The following CSMD2 variants were observed in gnomAD, a reference collection of about 807,000 sequenced individuals.
CSMD2 encodes CUB and Sushi multiple domains 2.
CSMD2 carries 130 observed loss-of-function variants against 398.5 expected under a neutral mutation model. The observed-to-expected ratio is 0.33, with a 90% CI of 0.28 to 0.38. CSMD2 has a LOEUF of 0.38. CSMD2 is among the 10% of genes least tolerant of loss of function. CSMD2 has a pLI of 1.00. For synonymous variants in CSMD2, 1,828 were observed against 1,908.5 expected, an observed-to-expected ratio of 0.96 and a Z score of 1.10; for missense variants, 3,829 against 4,764.9, an observed-to-expected ratio of 0.80 and a Z score of 5.78.
chr1:33,590,294 A>ATTT (rs56252015), intron 44 of CSMD2, among the ~76,000 whole-genome samples: 188 of 73,776 alleles, frequency 2.5e-3, no homozygotes, highest in African/African-American at 2.8e-3. Flanking sequence ...GCTAATTAAA[A>ATTT]TTTTTTTTTT....
At chr1:34,136,801 T>G (rs2148513710) in intron 1 of CSMD2, among the ~76,000 whole-genome samples, 1 of 152,336 alleles carries the variant, frequency 6.6e-6, no homozygotes, top group South Asian at 2.1e-4. Flanking sequence ...TCTTGTACAT[T>G]CATCTGTCTA....
chr1:33,790,675 CTAT>C (rs1654139955), intron 11 of CSMD2, among the ~76,000 whole-genome samples: 2 of 146,496 alleles, frequency 1.4e-5, no homozygotes, highest in Non-Finnish European at 3.0e-5. Flanking sequence ...ATCTATCTAT[CTAT>C]CTATCTATCT....
chr1:33,941,051 C>T (rs986443695), intron 3 of CSMD2, among the ~76,000 whole-genome samples: 1 of 152,056 alleles, frequency 6.6e-6, no homozygotes, highest in African/African-American at 2.4e-5. Context: ...CATGCTCTCC[C>T]ATCTATAAAG....
At chr1:33,728,626 C>G (rs887308756) in intron 15 of CSMD2, among the ~76,000 whole-genome samples, 5 of 152,142 alleles carry the variant, frequency 3.3e-5, no homozygotes, top group African/African-American at 7.2e-5. Context: ...GAGATTGAAT[C>G]TCAAGACTTC....
chr1:33,958,441 C>A (rs1645241033), intron 3 of CSMD2, among the ~76,000 whole-genome samples: 1 of 152,138 alleles, frequency 6.6e-6, no homozygotes, highest in Admixed American at 6.5e-5. Flanking sequence ...AGATGATGGG[C>A]TGTCACACCC....
At chr1:34,047,532 C>T (rs1478403099) in intron 2 of CSMD2, among the ~76,000 whole-genome samples, 1 of 152,102 alleles carries the variant, frequency 6.6e-6, no homozygotes, top group Non-Finnish European at 1.5e-5. Context: ...TTACGTCTAC[C>T]TTTTCCCACC....
intron 3 of CSMD2, among the ~76,000 whole-genome samples, chr1:33,979,232 A>G (rs1259044693): frequency 2.6e-5 from 4 of 152,212 alleles, no homozygotes; most frequent in Non-Finnish European, 2.9e-5. Flanking sequence ...GCCCAGTAGG[A>G]CCTGGCCCCG....
intron 5 of CSMD2, among the ~76,000 whole-genome samples, chr1:33,876,470 A>G (rs962117551): frequency 6.6e-6 from 1 of 152,258 alleles, no homozygotes; most frequent in African/African-American, 2.4e-5. Flanking sequence ...GACATGGCAT[A>G]AAGAACTTAC....
chr1:34,101,404 T>C (rs1445221413), intron 1 of CSMD2, among the ~76,000 whole-genome samples: 1 of 152,258 alleles, frequency 6.6e-6, no homozygotes, highest in Non-Finnish European at 1.5e-5. Context: ...AAATAGCAGA[T>C]GACTGGGTCA....
At chr1:33,629,601 C>T (rs1211312751) in intron 32 of CSMD2, among the ~76,000 whole-genome samples, 4 of 152,098 alleles carry the variant, frequency 2.6e-5, no homozygotes, top group Middle Eastern at 3.2e-3. Context: ...TGTTGAGTAG[C>T]GGTCCTTAAG....
At chr1:33,899,656 A>G (rs1029338814) in intron 5 of CSMD2, among the ~76,000 whole-genome samples, 1 of 152,198 alleles carries the variant, frequency 6.6e-6, no homozygotes, top group Admixed American at 6.5e-5. Context: ...TTGGATTTAT[A>G]TGTGAAAAAT....
chr1:33,685,384 C>T (rs970636176), intron 25 of CSMD2, among the ~76,000 whole-genome samples: 1 of 152,212 alleles, frequency 6.6e-6, no homozygotes, highest in Non-Finnish European at 1.5e-5. Context: ...AATACTGAGA[C>T]CTTCAAGGGG....
intron 3 of CSMD2, among the ~76,000 whole-genome samples, chr1:34,016,303 CT>C (rs1174785881): frequency 2.0e-5 from 3 of 151,972 alleles, no homozygotes; most frequent in African/African-American, 7.3e-5. Flanking sequence ...TCTCCCTTCC[CT>C]TTCCCCCCAC....
At chr1:33,686,194 C>T (rs941587083) in intron 25 of CSMD2, among the ~76,000 whole-genome samples, 2 of 152,216 alleles carry the variant, frequency 1.3e-5, no homozygotes, top group Non-Finnish European at 2.9e-5. Context: ...AGGGCTTTCC[C>T]TCCCTTTCTT....
chr1:33,823,844 A>G (rs992152465), intron 7 of CSMD2, among the ~76,000 whole-genome samples: 2 of 152,236 alleles, frequency 1.3e-5, no homozygotes, highest in Admixed American at 1.3e-4. Flanking sequence ...GCATTCTTTC[A>G]TTAGAACAGG....
chr1:34,094,536 T>C (rs1291416854), intron 1 of CSMD2, among the ~76,000 whole-genome samples: 1 of 151,970 alleles, frequency 6.6e-6, no homozygotes, highest in Non-Finnish European at 1.5e-5. Context: ...GAGACACACA[T>C]AGGCTCAAAA....
In CSMD2 at chr1:33,820,557, CT is replaced by C; in HGVS notation, c.1112-2del. ...CCTTGGGACACACCAACCTGAGTTACTACAAGGCAAAAAAAAAAAAAAAAAA... is the reference window on the plus strand; with the variant it reads ...CCTTGGGACACACCAACCTGAGTTACACAAGGCAAAAAAAAAAAAAAAAAA... On this transcript the variant is annotated splice_acceptor_variant, in intron 7 of 70. Transcript: ENST00000373381. LOFTEE classifies it high-confidence loss of function. The C allele has an allele frequency of 1.7e-6, 1 of 578,162 alleles. No homozygotes were observed. The highest frequency in any genetic ancestry group is 2.9e-6 in the Non-Finnish European group (1 of 346,960). The allele number at this position is 578,162 out of a possible 1,614,324, so 35.8% of individuals were successfully genotyped here.
chr1:33,697,480 C>A (rs1645457783), intron 24 of CSMD2, among the ~76,000 whole-genome samples: 3 of 152,120 alleles, frequency 2.0e-5, no homozygotes, highest in Admixed American at 2.0e-4. Context: ...CCACTTAGAC[C>A]CTCCATTGTA....
At chr1:33,531,490 A>G (rs926864564) in intron 64 of CSMD2, among the ~76,000 whole-genome samples, 5 of 152,220 alleles carry the variant, frequency 3.3e-5, no homozygotes, top group African/African-American at 1.2e-4. Flanking sequence ...GAGAACTGAA[A>G]ACATATTAAA....
Sources: gnomAD v4.1 joint callset for allele counts (sites outside exome capture counted in the v4.1 genomes callset) on GRCh38, gnomAD v4.1.1 for gene constraint, MANE v1.5 for transcripts, NCBI Gene and HGNC (gene_info 2026-07-23, HGNC 2026-07-21) for gene names.